The following PRRC2C variants were observed in gnomAD, a reference collection of about 807,000 sequenced individuals.
PRRC2C encodes the protein protein PRRC2C.
PRRC2C carries 72 observed loss-of-function variants against 317.2 expected under a neutral mutation model. That is an observed-to-expected ratio of 0.23 (90% CI 0.19 to 0.28). The LOEUF (loss-of-function observed/expected upper bound fraction) is 0.28. Among genes scored for constraint, PRRC2C ranks in the 10% least tolerant of loss-of-function variants. PRRC2C has a pLI of 1.00. For synonymous variants in PRRC2C, 1,296 were observed against 1,205.9 expected (o/e 1.07, Z -1.55); for missense variants, 3,074 against 3,459.7 (o/e 0.89, Z 2.80).
intron 11 of PRRC2C, among the ~76,000 whole-genome samples, chr1:171,528,125 C>A (rs1408409872): frequency 6.6e-6 from 1 of 151,930 alleles, no homozygotes; most frequent in Non-Finnish European, 1.5e-5. Flanking sequence ...GTGCTAAGGA[C>A]ACTTTTTTAC....
intron 11 of PRRC2C, among the ~76,000 whole-genome samples, chr1:171,531,275 A>C (rs976079759): frequency 4.6e-5 from 7 of 152,190 alleles, no homozygotes; most frequent in Admixed American, 4.6e-4. Flanking sequence ...CATTTGTCCA[A>C]ACTCATCAAA....
intron 18 of PRRC2C, among the ~76,000 whole-genome samples, chr1:171,555,547 C>G (rs1348530714): frequency 6.6e-6 from 1 of 152,168 alleles, no homozygotes; most frequent in Non-Finnish European, 1.5e-5. Context: ...AAGAGTTGCT[C>G]TGGTTTTTAG....
In PRRC2C at chr1:171,540,513, G is replaced by A. The variant is rs1231324940; in HGVS notation, c.3047G>A (p.Gly1016Asp). ...AATGATAGACCTGTGAGAAGATCAG[G>A]TCCCATTAAAAAACCTGTACTTAGA... ...EVNDRPVRRS[G>D]PIKKPVLRDM... Residue 1016 changes from glycine (G) to aspartate (D), a missense_variant, in exon 16 of 35, where the codon GGT becomes GAT. Gly to Asp is a moderately conservative substitution (Grantham distance 94). Transcript: ENST00000647382. The A allele has an allele frequency of 2.5e-6, 4 of 1,613,164 alleles. No individual in the cohort carries two copies. The highest frequency in any genetic ancestry group is 1.3e-5 in the African/African-American group (1 of 74,742).
At chr1:171,491,986 A>G (rs1667243064) in intron 1 of PRRC2C, among the ~76,000 whole-genome samples, 1 of 152,230 alleles carries the variant, frequency 6.6e-6, no homozygotes, top group Non-Finnish European at 1.5e-5. Flanking sequence ...GGGAAGGTAC[A>G]CAGTTACTTC....
intron 28 of PRRC2C, among the ~76,000 whole-genome samples, chr1:171,580,237 C>G (rs907812692): frequency 6.6e-6 from 1 of 152,164 alleles, no homozygotes; most frequent in Admixed American, 6.6e-5. Flanking sequence ...AAAGTAGCTG[C>G]TAAAGAACCT....
chr1:171,513,558 C>G, intron 3 of PRRC2C: 3 of 409,626 alleles, frequency 7.3e-6, no homozygotes, highest in Non-Finnish European at 1.5e-5. Flanking sequence ...TTGAAACTGC[C>G]TGATGTTTCA....
rs763118652 is a variant in PRRC2C at position 171,512,217 on chromosome 1, GAC to G, written c.112+20_112+21del. ...AAACCACAGGTGAGTAAAATCAAGT[GAC>G]ACTTATGTTTTTCATGGTTTGTTTT... On this transcript the variant is annotated intron_variant, in intron 2 of 34. Transcript: ENST00000647382. 1 of 1,473,008 alleles carries G rather than the reference GAC, an allele frequency of 6.8e-7. No homozygotes were observed. The highest frequency in any genetic ancestry group is 1.2e-5 in the South Asian group (1 of 82,350). 91.2% of individuals were successfully genotyped at this position (1,473,008 alleles called of 1,614,324 possible).
intron 1 of PRRC2C, among the ~76,000 whole-genome samples, chr1:171,508,725 C>T (rs1670722694): frequency 2.0e-5 from 3 of 152,176 alleles, no homozygotes; most frequent in Admixed American, 6.5e-5. Flanking sequence ...TAACGTTGGA[C>T]ATTTTAATAC....
chr1:171,558,738 A>G (rs1223834523), intron 19 of PRRC2C, among the ~76,000 whole-genome samples: 1 of 151,574 alleles, frequency 6.6e-6, no homozygotes, highest in Admixed American at 6.6e-5. Flanking sequence ...TAAGAACACA[A>G]CAATGTTGAA....
At chr1:171,506,326 T>C (rs531732009) in intron 1 of PRRC2C, among the ~76,000 whole-genome samples, 8 of 152,364 alleles carry the variant, frequency 5.3e-5, no homozygotes, top group African/African-American at 1.9e-4. Flanking sequence ...TGTTATTCTG[T>C]TTCTCTGTAT....
In PRRC2C at chr1:171,540,191, C is replaced by A; in HGVS notation, c.2725C>A (p.Pro909Thr). 3 of 1,613,918 alleles carry A rather than the reference C, an allele frequency of 1.9e-6. No individual in the cohort carries two copies. Among genetic ancestry groups the A allele is most frequent in the African/African-American group, 1.3e-5 (1 of 75,036 alleles). ...ACCTGATCAAAAGACCTTATCCGCT[C>A]CTCAAGAGGAGCGGATTTCAGCTGT... is the stretch of plus-strand genomic sequence containing the variant. ...EAPDQKTLSA[P>T]QEERISAVES... Residue 909 changes from proline to threonine, a missense_variant, in exon 16 of 35, where the codon CCT (proline) becomes ACT (threonine). Coordinates refer to ENST00000647382, the MANE Select transcript of PRRC2C (RefSeq NM_001387844.1).
intron 34 of PRRC2C, chr1:171,591,114 A>T: frequency 1.1e-5 from 10 of 946,886 alleles, no homozygotes; most frequent in Non-Finnish European, 1.3e-5. Flanking sequence ...GATCAAGTGA[A>T]GTCGTAGTTA....
chr1:171,551,193 T>C lies in PRRC2C; in HGVS notation c.5127+953T>C, dbSNP rs541758761. ...TGTGAGATGGTATCTTATTGTGGTT[T>C]TGATTTGCATTTCTCTGACCAGTGA... On this transcript the variant is annotated intron_variant, in intron 18 of 34. Transcript: ENST00000647382. Among the ~76,000 whole-genome samples the C allele has an allele frequency of 2.0e-5, 3 of 152,342 alleles. No homozygotes were observed. In the East Asian group the frequency reaches 5.8e-4, roughly 29 times the overall value.
At position 171,499,503 on chromosome 1, in the gene PRRC2C, G is replaced by A. The variant is rs982966960; in HGVS notation, c.-57-12529G>A. 1.7e-4 allele frequency among the ~76,000 whole-genome samples: 26 copies of A among 152,154 alleles called. 1 individual carries two copies. ...AAAGCACTTATTAATAGAAAAGGGA[G>A]AGATGGGCCGGGCACGGTGGCTCAC... On this transcript the variant is annotated intron_variant, in intron 1 of 34. Coordinates refer to ENST00000647382, the MANE Select transcript of PRRC2C (RefSeq NM_001387844.1).
At chr1:171,497,863 G>A (rs1475548114) in intron 1 of PRRC2C, among the ~76,000 whole-genome samples, 2 of 151,870 alleles carry the variant, frequency 1.3e-5, no homozygotes, top group Non-Finnish European at 2.9e-5. Context: ...CCCCCAGGCT[G>A]GAGTGCAGTG....
intron 25 of PRRC2C, among the ~76,000 whole-genome samples, chr1:171,575,714 G>A (rs235510): frequency 0.8 from 121,252 of 152,100 alleles, 48,480 homozygotes; most frequent in Middle Eastern, 0.89. Flanking sequence ...TTATTTGGAG[G>A]CCTTACGGTT....
chr1:171,509,086 C>T (rs575009843), intron 1 of PRRC2C, among the ~76,000 whole-genome samples: 332 of 152,166 alleles, frequency 2.2e-3, no homozygotes, highest in African/African-American at 7.7e-3. Context: ...CGGGTTTCAC[C>T]GTGTTAGCCA....
intron 9 of PRRC2C, among the ~76,000 whole-genome samples, chr1:171,524,208 T>TTA (rs1336480920): frequency 5.3e-5 from 8 of 152,302 alleles, no homozygotes; most frequent in African/African-American, 1.9e-4. Context: ...TTCTTAAAAC[T>TTA]TAGTAAACTG....
intron 25 of PRRC2C, 36 bp from the exon 26 acceptor site, chr1:171,577,398 C>T (rs761529732): frequency 5.5e-5 from 83 of 1,497,396 alleles, no homozygotes; most frequent in Middle Eastern, 1.7e-4. Context: ...TTTAAATATG[C>T]TCTATTTTCC....
Sources: gnomAD v4.1 joint callset for allele counts (sites outside exome capture counted in the v4.1 genomes callset) on GRCh38, gnomAD v4.1.1 for gene constraint, MANE v1.5 for transcripts, NCBI Gene and HGNC (gene_info 2026-07-23, HGNC 2026-07-21) for gene names.